TENT5D: variants seen among roughly 807,000 people sequenced by gnomAD.
TENT5D encodes the protein terminal nucleotidyltransferase 5D.
For synonymous variants in TENT5D, 103 were observed against 100.6 expected, an observed-to-expected ratio of 1.02 and a Z score of -0.15; for missense variants, 191 against 287.0, an observed-to-expected ratio of 0.67 and a Z score of 2.42.
chrX:80,430,212 C>A (rs1428707531), intron 1 of TENT5D, among the ~76,000 whole-genome samples: 2 of 111,591 alleles, frequency 1.8e-5, no homozygotes, highest in Non-Finnish European at 3.8e-5. Context: ...TTATTGGGGT[C>A]ATTAGAAAAC....
In TENT5D at chrX:80,409,945, T is replaced by C. The variant is rs1293141403; in HGVS notation, c.-141-28665T>C. ...CAGAGCCCTCAGAAATAACACCGCA[T>C]ATCTACAACTATCTGATCTTTGACA... On this transcript the variant is annotated intron_variant, in intron 3 of 4. Transcript: ENST00000538312. Among the ~76,000 whole-genome samples the C allele has an allele frequency of 4.6e-5, 5 of 109,162 alleles. No homozygotes were observed. In the Admixed American group the frequency reaches 4.9e-4, roughly 11 times the overall value. The allele number at this position is 109,162 out of a possible 115,157, so 94.8% of individuals were successfully genotyped here.
chrX:80,341,147 G>T (rs1929949814), intron 2 of TENT5D, among the ~76,000 whole-genome samples: 1 of 112,260 alleles, frequency 8.9e-6, no homozygotes, highest in African/African-American at 3.2e-5. Context: ...TTGTGACTAT[G>T]CACATTTGCA....
chrX:80,410,231 A>G (rs1423132130), intron 3 of TENT5D, among the ~76,000 whole-genome samples: 3 of 109,674 alleles, frequency 2.7e-5, no homozygotes, highest in Non-Finnish European at 5.7e-5. Flanking sequence ...ACAGAAGCCA[A>G]AATTGACAAA....
chrX:80,405,613 A>T (rs1316012529), intron 3 of TENT5D, among the ~76,000 whole-genome samples: 1 of 111,728 alleles, frequency 9.0e-6, no homozygotes, highest in Non-Finnish European at 1.9e-5. Context: ...ACGCCCAGGG[A>T]GTCTCGCTGA....
upstream of TENT5D, among the ~76,000 whole-genome samples, chrX:80,417,135 TTC>T (rs1426626713): frequency 3.6e-5 from 4 of 111,609 alleles, no homozygotes; most frequent in Non-Finnish European, 1.9e-5. Flanking sequence ...TGCTTTTTTT[TTC>T]TATTTTCCAT....
chrX:80,348,901 G>T lies in TENT5D; in HGVS notation c.-142+6337G>T, dbSNP rs1180491201. Among the ~76,000 whole-genome samples, 6 of 112,060 alleles carry T rather than the reference G, an allele frequency of 5.4e-5. No homozygotes were observed. The East Asian group carries it at 1.7e-3, about 31-fold the overall frequency. Reference sequence around the variant, plus strand: ...TTGAATTTTATTGAAGTCCTTTTCTGCATCTATTGAGATAATCACGTGGTT... The same window carrying T: ...TTGAATTTTATTGAAGTCCTTTTCTTCATCTATTGAGATAATCACGTGGTT... On this transcript the variant is annotated intron_variant, in intron 3 of 4. Coordinates refer to the TENT5D transcript ENST00000538312.
At chrX:80,390,548 G>A (rs1247737214) in intron 3 of TENT5D, among the ~76,000 whole-genome samples, 1 of 111,486 alleles carries the variant, frequency 9.0e-6, no homozygotes, top group Non-Finnish European at 1.9e-5. Context: ...TTTAGGCTCA[G>A]TATGTAGAGA....
chrX:80,338,288 A>G (rs1929891468), intron 2 of TENT5D, among the ~76,000 whole-genome samples: 2 of 111,650 alleles, frequency 1.8e-5, no homozygotes, highest in African/African-American at 6.5e-5. Context: ...TTGGGGACCT[A>G]ATTAACTCTA....
chrX:80,336,337 C>T (rs1392971872), intron 2 of TENT5D, among the ~76,000 whole-genome samples: 1 of 110,555 alleles, frequency 9.0e-6, no homozygotes, highest in African/African-American at 3.3e-5. Context: ...AGGCTTCAGA[C>T]TGTTACCCTA....
chrX:80,408,040 TC>T (rs1931544409), intron 3 of TENT5D, among the ~76,000 whole-genome samples: 4 of 109,314 alleles, frequency 3.7e-5, no homozygotes, highest in Non-Finnish European at 5.7e-5. Context: ...ATAAAGATGT[TC>T]TTTGAAACCA....
chrX:80,401,199 T>C (rs1240227188), intron 3 of TENT5D, among the ~76,000 whole-genome samples: 3 of 111,942 alleles, frequency 2.7e-5, no homozygotes, highest in Non-Finnish European at 5.6e-5. Context: ...TTATTCTTGA[T>C]ATCTTCTTTG....
chrX:80,439,685 G>A (rs1170692955), intron 2 of TENT5D, among the ~76,000 whole-genome samples: 1 of 110,465 alleles, frequency 9.1e-6, no homozygotes, highest in Non-Finnish European at 1.9e-5. Context: ...CATTTTTGGA[G>A]GCATGTATAG....
intron 3 of TENT5D, among the ~76,000 whole-genome samples, chrX:80,386,552 T>C (rs770340448): frequency 4.5e-5 from 5 of 110,279 alleles, no homozygotes; most frequent in African/African-American, 1.7e-4. Flanking sequence ...ACTTAAAGTA[T>C]AATAAAAAAA....
chrX:80,349,602 C>T (rs1930135622), intron 3 of TENT5D, among the ~76,000 whole-genome samples: 1 of 110,798 alleles, frequency 9.0e-6, no homozygotes, highest in Admixed American at 9.6e-5. Context: ...AAAAAACAAG[C>T]TCCTGGAATC....
At chrX:80,409,329 T>C (rs1602212798) in intron 3 of TENT5D, among the ~76,000 whole-genome samples, 2 of 110,717 alleles carry the variant, frequency 1.8e-5, no homozygotes, top group African/African-American at 6.6e-5. Flanking sequence ...GCAGACGACA[T>C]GATTGTATAT....
rs958722676 is a variant in TENT5D at position 80,359,880 on chromosome X, C to A, written c.-142+17316C>A. 2.7e-5 allele frequency among the ~76,000 whole-genome samples: 3 copies of A among 111,721 alleles called. No individual in the cohort carries two copies. In the Admixed American group the frequency reaches 2.9e-4, roughly 11 times the overall value. On this transcript the variant is annotated intron_variant, in intron 3 of 4. Coordinates refer to the TENT5D transcript ENST00000538312. ...ATCCTAACTGGGAGATTATAGAACT[C>A]TGGTTTTTATATAATTAAATGATGT...
intron 3 of TENT5D, among the ~76,000 whole-genome samples, chrX:80,374,669 TA>T (rs1176389238): frequency 9.0e-6 from 1 of 111,537 alleles, no homozygotes; most frequent in Non-Finnish European, 1.9e-5. Flanking sequence ...TTGTTGCAGT[TA>T]AAAGCATCAT....
chrX:80,409,069 C>T (rs1399300059), intron 3 of TENT5D, among the ~76,000 whole-genome samples: 1 of 109,873 alleles, frequency 9.1e-6, no homozygotes, highest in Non-Finnish European at 1.9e-5. Flanking sequence ...TAAAAACCCT[C>T]AATAAATTAG....
intron 3 of TENT5D, among the ~76,000 whole-genome samples, chrX:80,365,899 A>C (rs770676961): frequency 6.3e-5 from 7 of 111,196 alleles, no homozygotes; most frequent in Non-Finnish European, 1.3e-4. Context: ...AGTATTTAGC[A>C]AACTACAAGA....
Sources: allele counts gnomAD v4.1 joint callset (sites outside exome capture counted in the v4.1 genomes callset), GRCh38; gene constraint gnomAD v4.1.1; transcripts MANE v1.5; gene names NCBI Gene and HGNC (gene_info 2026-07-23, HGNC 2026-07-21).